UPK1B: variants seen among roughly 807,000 people sequenced by gnomAD.
The protein encoded by UPK1B is uroplakin 1B.
Under a neutral mutation model 34.2 loss-of-function variants are expected in UPK1B, and 28 were observed. That is an observed-to-expected ratio of 0.82 (90% CI 0.61 to 1.12). UPK1B has a LOEUF of 1.12. UPK1B is among the 50% of genes most tolerant of loss of function. The pLI, the probability that UPK1B is intolerant of heterozygous loss-of-function variation, is 0.00. For missense variants in UPK1B, 325 were observed against 320.9 expected (o/e 1.01, Z -0.10); for synonymous variants, 81 against 110.4 (o/e 0.73, Z 1.67).
intron 1 of UPK1B, among the ~76,000 whole-genome samples, chr3:119,185,604 G>A (rs2078014477): frequency 6.6e-6 from 1 of 152,080 alleles, no homozygotes; most frequent in African/African-American, 2.4e-5. Flanking sequence ...GTATAATTGT[G>A]TGGGAATGCA....
chr3:119,176,387 T>A (rs1382891636), intron 1 of UPK1B, among the ~76,000 whole-genome samples: 2 of 152,210 alleles, frequency 1.3e-5, no homozygotes, highest in Non-Finnish European at 2.9e-5. Context: ...TTTCAATGTG[T>A]CTGGAAACAT....
At chr3:119,196,535 C>CT (rs34406185) in intron 6 of UPK1B, among the ~76,000 whole-genome samples, 6,185 of 107,138 alleles carry the variant, frequency 0.058, 263 homozygotes, top group South Asian at 0.12. Context: ...TTTTCTTTTT[C>CT]TTTTTTTTTT....
At chr3:119,178,131 A>G (rs1265470213) in intron 1 of UPK1B, among the ~76,000 whole-genome samples, 1 of 152,246 alleles carries the variant, frequency 6.6e-6, no homozygotes, top group Admixed American at 6.5e-5. Flanking sequence ...CAGGCCATTT[A>G]GAACCTGGAT....
chr3:119,182,041 C>G (rs1035522573), intron 1 of UPK1B, among the ~76,000 whole-genome samples: 5 of 152,206 alleles, frequency 3.3e-5, no homozygotes, highest in Non-Finnish European at 5.9e-5. Flanking sequence ...GGCCCAATGG[C>G]GAGTGTTAAC....
At chr3:119,191,500 TC>T (rs2078044033) in intron 5 of UPK1B, among the ~76,000 whole-genome samples, 1 of 152,088 alleles carries the variant, frequency 6.6e-6, no homozygotes, top group Non-Finnish European at 1.5e-5. Flanking sequence ...AAAGTCCAAG[TC>T]TTCCAGAATA....
In UPK1B at chr3:119,194,354, C is replaced by A. The variant is rs373290840; in HGVS notation, c.604C>A (p.Leu202Met). The change falls in exon 6 of 8, where the codon CTG becomes ATG. Residue 202 changes from leucine to methionine, a missense_variant. Physicochemically the swap from Leu to Met is conservative, Grantham distance 15. Coordinates refer to ENST00000264234, the MANE Select transcript of UPK1B (RefSeq NM_006952.4). ...GAACAATCTTAAAGAACCTCTCAAC[C>A]TGGAGGCTTGTAAACTAGGCGTGCC... is the stretch of plus-strand genomic sequence containing the variant. ...VMNNLKEPLN[L>M]EACKLGVPGF... 5.6e-6 allele frequency: 9 copies of A among 1,613,724 alleles called. No individual in the cohort carries two copies. The highest frequency in any genetic ancestry group is 1.1e-5 in the South Asian group (1 of 91,054).
chr3:119,179,860 G>T (rs1378764330), intron 1 of UPK1B, among the ~76,000 whole-genome samples: 3 of 107,624 alleles, frequency 2.8e-5, no homozygotes, highest in Non-Finnish European at 5.2e-5. Context: ...GTGCAATGGC[G>T]CAATCTCGGC....
chr3:119,200,888 A>G (rs1320197619), intron 7 of UPK1B, among the ~76,000 whole-genome samples: 2 of 152,244 alleles, frequency 1.3e-5, no homozygotes. Context: ...TAAGACAACC[A>G]TATTACACTA....
intron 7 of UPK1B, among the ~76,000 whole-genome samples, chr3:119,203,370 C>T (rs2078102348): frequency 3.0e-5 from 3 of 101,148 alleles, no homozygotes; most frequent in African/African-American, 6.7e-5. Context: ...AAAAAAAAAT[C>T]TGATATCTAA....
chr3:119,179,341 A>G (rs2077974444), intron 1 of UPK1B, among the ~76,000 whole-genome samples: 1 of 112,044 alleles, frequency 8.9e-6, no homozygotes. Flanking sequence ...AGAGGGAGAG[A>G]GAGAGAGGGA....
At chr3:119,200,280 T>C (rs924181477) in intron 7 of UPK1B, among the ~76,000 whole-genome samples, 2 of 152,256 alleles carry the variant, frequency 1.3e-5, no homozygotes, top group African/African-American at 2.4e-5. Context: ...CTTGAACTCC[T>C]GGCCTCAAGC....
At chr3:119,183,903 T>C (rs961333762) in intron 1 of UPK1B, among the ~76,000 whole-genome samples, 4 of 152,166 alleles carry the variant, frequency 2.6e-5, no homozygotes, top group African/African-American at 7.2e-5. Flanking sequence ...TCATGTGCCA[T>C]TGATACCAAA....
Position 119,201,698 on chromosome 3 carries a change from A to C in UPK1B, c.733-2219A>C, listed in dbSNP as rs537274655. On this transcript the variant is annotated intron_variant, in intron 7 of 7. Transcript: ENST00000264234. ...CTGAGTGAGGCAGGAAGGAGAGGGA[A>C]ATCAACTCCTTCAAGGGGTCTTTTA... Among the ~76,000 whole-genome samples, 10 of 152,258 alleles carry C rather than the reference A, an allele frequency of 6.6e-5. No homozygotes were observed. The South Asian group carries it at 2.1e-3, about 32-fold the overall frequency.
At chr3:119,184,952 A>G (rs999616652) in intron 1 of UPK1B, among the ~76,000 whole-genome samples, 3 of 152,254 alleles carry the variant, frequency 2.0e-5, no homozygotes, top group African/African-American at 7.2e-5. Context: ...ATGTCTGTAC[A>G]TACCAGTAAT....
At position 119,199,063 on chromosome 3, in the gene UPK1B, T is replaced by C; in HGVS notation, c.655T>C (p.Tyr219His). The C allele has an allele frequency of 4.3e-6, 7 of 1,614,190 alleles. No individual in the cohort carries two copies. Among genetic ancestry groups the C allele is most frequent in the Non-Finnish European group, 5.1e-6 (6 of 1,180,000 alleles). ...VPGFYHNQGC[Y>H]ELISGPMNRH... ...GAATTGCCCACTCCTTCAGGGCTGCTATGAACTGATCTCTGGTCCAATGAA... is the reference window on the plus strand; with the variant it reads ...GAATTGCCCACTCCTTCAGGGCTGCCATGAACTGATCTCTGGTCCAATGAA... The change falls in exon 7 of 8, where the codon TAT (tyrosine) becomes CAT (histidine). Residue 219 changes from tyrosine to histidine, a missense_variant. By Grantham distance (83) the Tyr-to-His change is moderately conservative (BLOSUM62 2). Transcript: ENST00000264234.
chr3:119,185,162 T>C (rs1470635941), intron 1 of UPK1B, among the ~76,000 whole-genome samples: 2 of 152,188 alleles, frequency 1.3e-5, no homozygotes, highest in African/African-American at 4.8e-5. Context: ...ATGAATTGAG[T>C]ACCCACTGTG....
At chr3:119,196,455 A>C (rs1449094793) in intron 6 of UPK1B, among the ~76,000 whole-genome samples, 2 of 152,146 alleles carry the variant, frequency 1.3e-5, no homozygotes, top group African/African-American at 4.8e-5. Context: ...AGTACTTAGC[A>C]TAATGCCTGG....
At chr3:119,188,002 G>A (rs1441397073) in intron 3 of UPK1B, 27 bp downstream of exon 3, 2 of 1,610,500 alleles carry the variant, frequency 1.2e-6, no homozygotes. Context: ...CTCTGGAGTT[G>A]TCTCCCTGAG....
chr3:119,192,802 CTCCCTT>C (rs1323075307), intron 5 of UPK1B, among the ~76,000 whole-genome samples: 7 of 152,176 alleles, frequency 4.6e-5, no homozygotes, highest in Non-Finnish European at 1.0e-4. Flanking sequence ...TCATCAGTTT[CTCCCTT>C]TCAACAGCCT....
Sources: gnomAD v4.1 joint callset for allele counts (sites outside exome capture counted in the v4.1 genomes callset) on GRCh38, gnomAD v4.1.1 for gene constraint, MANE v1.5 for transcripts, NCBI Gene and HGNC (gene_info 2026-07-23, HGNC 2026-07-21) for gene names.